Variants in RHPN2 observed in about 807,000 individuals in gnomAD.
RHPN2 encodes rhophilin Rho GTPase binding protein 2, also known as rhophilin-2.
Under a neutral mutation model 79.0 loss-of-function variants are expected in RHPN2, and 40 were observed. The observed-to-expected ratio is 0.51, with a 90% CI of 0.39 to 0.66. The LOEUF is 0.66. Among genes scored for constraint, RHPN2 ranks in the 30% least tolerant of loss-of-function variants. RHPN2 has a pLI of 0.00. For synonymous variants in RHPN2, 285 were observed against 363.5 expected (o/e 0.78, Z 2.46); for missense variants, 686 against 883.5 (o/e 0.78, Z 2.83).
intron 5 of RHPN2, 106 bp downstream of exon 5, chr19:33,012,541 C>G (rs1971843735): frequency 1.2e-6 from 1 of 808,318 alleles, no homozygotes; most frequent in African/African-American, 1.7e-5. Flanking sequence ...CCAACCATCA[C>G]CTCTATCCAC....
intron 2 of RHPN2, among the ~76,000 whole-genome samples, chr19:33,037,424 C>T (rs1191493726): frequency 1.3e-5 from 2 of 152,302 alleles, no homozygotes; most frequent in South Asian, 2.1e-4. Context: ...CTGCCTGAGC[C>T]AGCAGTAGCA....
rs1272450479 is a variant in RHPN2 at position 32,978,781 on chromosome 19, AC to A, written c.*1214del. On this transcript the variant is annotated 3_prime_UTR_variant, in exon 15 of 15. Coordinates refer to ENST00000254260, the MANE Select transcript of RHPN2 (RefSeq NM_033103.5). Reference sequence around the variant, plus strand: ...GTAACTTGTACTGTGTCAACAGTGAACCTTATTAGATTCACGGTGTCATCGA... The same window carrying A: ...GTAACTTGTACTGTGTCAACAGTGAACTTATTAGATTCACGGTGTCATCGA... The A allele has an allele frequency of 6.6e-6, 1 of 152,634 alleles. No homozygotes were observed. Among genetic ancestry groups the A allele is most frequent in the African/African-American group, 2.4e-5 (1 of 41,460 alleles). 9.5% of individuals were successfully genotyped at this position (152,634 alleles called of 1,614,324 possible).
At position 32,990,089 on chromosome 19, in the gene RHPN2, A is replaced by G. The variant is rs1971642508; in HGVS notation, c.1800+425T>C. On this transcript the variant is annotated intron_variant, in intron 14 of 14. Coordinates refer to ENST00000254260, the MANE Select transcript of RHPN2 (RefSeq NM_033103.5). ...CACTGCACTCCAGCCTGGGTGACAG[A>G]GCGAGACTCCGTCTCAAAAAAAAAA... Among the ~76,000 whole-genome samples the G allele has an allele frequency of 1.3e-5, 2 of 151,636 alleles. 1 individual carries two copies. The highest frequency in any genetic ancestry group is 2.9e-5 in the Non-Finnish European group (2 of 67,960).
At chr19:33,036,570 C>G (rs1173250684) in intron 2 of RHPN2, among the ~76,000 whole-genome samples, 4 of 152,202 alleles carry the variant, frequency 2.6e-5, no homozygotes, top group Non-Finnish European at 4.4e-5. Flanking sequence ...CGCCGCTGCA[C>G]TGTGGGAGCC....
chr19:33,053,272 A>G (rs1972204196), intron 1 of RHPN2, among the ~76,000 whole-genome samples: 2 of 151,948 alleles, frequency 1.3e-5, no homozygotes, highest in Non-Finnish European at 2.9e-5. Flanking sequence ...TACAGGTGTG[A>G]GCCACTGCGC....
intron 1 of RHPN2, among the ~76,000 whole-genome samples, chr19:33,049,672 G>T (rs1972171501): frequency 6.6e-6 from 1 of 152,144 alleles, no homozygotes; most frequent in Non-Finnish European, 1.5e-5. Context: ...CCCAAGAAAA[G>T]CAAGTACTGA....
chr19:33,016,092 T>G (rs1222492204), intron 4 of RHPN2, among the ~76,000 whole-genome samples: 1 of 151,928 alleles, frequency 6.6e-6, no homozygotes, highest in Non-Finnish European at 1.5e-5. Flanking sequence ...AGAGAAATAA[T>G]ACCTTTCACA....
chr19:33,012,683 A>C lies in RHPN2; in HGVS notation c.432T>G (p.Tyr144Ter). The C allele has an allele frequency of 6.2e-7, 1 of 1,607,808 alleles. No homozygotes were observed. The highest frequency in any genetic ancestry group is 8.5e-7 in the Non-Finnish European group (1 of 1,174,240). ...LEHYSEDGYL[Y>*]EDEIADLMDL... is the part of the protein sequence containing the mutation. The stretch of plus-strand genomic sequence containing the variant: ...CCATAAGATCTGCAATTTCATCTTC[A>C]TATAAATAGCCATCTTCACTGTAAT... The change falls in exon 5 of 15, where the codon TAT becomes TAG. Residue 144 changes from tyrosine to a stop codon, truncating the protein, a stop_gained. Transcript: ENST00000254260. LOFTEE classifies it high-confidence loss of function.
chr19:33,060,389 T>C (rs1016122828), intron 1 of RHPN2, among the ~76,000 whole-genome samples: 4 of 152,152 alleles, frequency 2.6e-5, no homozygotes, highest in African/African-American at 9.7e-5. Context: ...CTGCCAGATA[T>C]TGCCCTTTCT....
In RHPN2 at chr19:33,002,888, C is replaced by T; in HGVS notation, c.873G>A (p.Val291=). 6.2e-7 allele frequency: 1 copy of T among 1,613,966 alleles called. No individual in the cohort carries two copies. Among genetic ancestry groups the T allele is most frequent in the Non-Finnish European group, 8.5e-7 (1 of 1,179,866 alleles). Residue 291 remains valine, a synonymous_variant, in exon 8 of 15, where the codon GTG becomes GTA. Transcript: ENST00000254260. The part of the protein sequence containing the change: ...KMMLAQAQES[V]FEKISLPGIR... ...TCCCAGGAAGGCTGATTTTCTCAAACACGCTTTCTTGGGCTTGTGCAAGCA... is the reference window on the plus strand; with the variant it reads ...TCCCAGGAAGGCTGATTTTCTCAAATACGCTTTCTTGGGCTTGTGCAAGCA...
chr19:33,020,257 T>C (rs1971912326), intron 4 of RHPN2, among the ~76,000 whole-genome samples: 1 of 151,976 alleles, frequency 6.6e-6, no homozygotes, highest in Admixed American at 6.6e-5. Context: ...GGGGAGTGAA[T>C]TGACATCTTT....
chr19:32,994,159 G>C, intron 11 of RHPN2, 106 bp from the exon 12 acceptor site: 1 of 795,732 alleles, frequency 1.3e-6, no homozygotes, highest in South Asian at 1.4e-5. Flanking sequence ...ACTTTGGGAG[G>C]CTGAGGCAGG....
intron 12 of RHPN2, chr19:32,992,242 C>T (rs554041338): frequency 6.0e-5 from 24 of 398,954 alleles, no homozygotes; most frequent in South Asian, 3.4e-4. Context: ...CTCACTCTGT[C>T]GCCCAGGCTA....
chr19:33,008,241 G>T, intron 6 of RHPN2, 61 bp from the exon 7 acceptor site: 3 of 1,442,636 alleles, frequency 2.1e-6, no homozygotes, highest in Non-Finnish European at 9.5e-7. Context: ...GCTACAAGTG[G>T]AAAAAATTCT....
chr19:32,990,562 G>T lies in RHPN2; in HGVS notation c.1752C>A (p.Asp584Glu). 4 of 1,613,810 alleles carry T rather than the reference G, an allele frequency of 2.5e-6. No homozygotes were observed. Among genetic ancestry groups the T allele is most frequent in the Non-Finnish European group, 3.4e-6 (4 of 1,179,848 alleles). ...GGCTCACGACTTTCATCTCGATCTC[G>T]TCCTCGCCAAAGCTCTTCAGCAGCT... ...VMKLLKSFGE[D>E]EIEMKVVSLL... Residue 584 changes from aspartate to glutamate, a missense_variant, in exon 14 of 15, where the codon GAC becomes GAA. Transcript: ENST00000254260.
At chr19:33,014,379 C>A (rs1432322140) in intron 4 of RHPN2, among the ~76,000 whole-genome samples, 6 of 152,078 alleles carry the variant, frequency 3.9e-5, no homozygotes, top group Non-Finnish European at 8.8e-5. Flanking sequence ...AATCATAGCT[C>A]ACTGCAGCCT....
intron 4 of RHPN2, among the ~76,000 whole-genome samples, chr19:33,016,043 CTG>C (rs1971874874): frequency 7.3e-6 from 1 of 137,214 alleles, no homozygotes. Flanking sequence ...TAGTGAGACT[CTG>C]TTTCAAAAAC....
At chr19:33,027,080 G>A in intron 2 of RHPN2, 2 of 279,304 alleles carry the variant, frequency 7.2e-6, no homozygotes, top group Admixed American at 9.1e-5. Context: ...AACATATAGT[G>A]AAACTCTGTC....
intron 1 of RHPN2, among the ~76,000 whole-genome samples, chr19:33,044,830 G>T (rs1038637001): frequency 2.6e-5 from 4 of 152,272 alleles, no homozygotes; most frequent in South Asian, 2.1e-4. Flanking sequence ...GGTGCTGAAG[G>T]TTGCAGTGAG....
Sources: gnomAD v4.1 joint callset for allele counts (sites outside exome capture counted in the v4.1 genomes callset) on GRCh38, gnomAD v4.1.1 for gene constraint, MANE v1.5 for transcripts, NCBI Gene and HGNC (gene_info 2026-07-23, HGNC 2026-07-21) for gene names.